EPS15: variants seen among roughly 807,000 people sequenced by gnomAD.
EPS15 encodes epidermal growth factor receptor substrate 15.
Under a neutral mutation model 113.8 loss-of-function variants are expected in EPS15, and 72 were observed. The ratio of observed to expected loss-of-function variants is 0.63; its 90% CI spans 0.52 to 0.77. The LOEUF is 0.77. Ranked by LOEUF, EPS15 falls within the 30% of genes least tolerant of loss-of-function variation. The probability of loss-of-function intolerance (pLI) is 0.00; values close to 1 mark genes in which losing one functional copy is unlikely to be tolerated. For missense variants in EPS15, 1,048 were observed against 1,045.8 expected (o/e 1.00, Z -0.03); for synonymous variants, 344 against 363.4 (o/e 0.95, Z 0.61).
At chr1:51,423,782 T>C (rs765376201) in intron 12 of EPS15, 164 of 943,688 alleles carry the variant, frequency 1.7e-4, no homozygotes, top group Middle Eastern at 5.5e-4. Flanking sequence ...GGCAGAAAGA[T>C]GGGAGAGCAA....
chr1:51,493,713 G>A (rs918224267), intron 1 of EPS15, among the ~76,000 whole-genome samples: 3 of 151,222 alleles, frequency 2.0e-5, no homozygotes, highest in Non-Finnish European at 4.4e-5. Context: ...CCGCCTTCTG[G>A]GTTCAAGCGA....
intron 21 of EPS15, among the ~76,000 whole-genome samples, chr1:51,367,512 C>T (rs984339960): frequency 1.3e-5 from 2 of 152,144 alleles, no homozygotes; most frequent in African/African-American, 4.8e-5. Context: ...GAGATCATGA[C>T]ACTGCACTCC....
At position 51,356,672 on chromosome 1, in the gene EPS15, T is replaced by C; in HGVS notation, c.*28A>G. 3.1e-6 allele frequency: 5 copies of C among 1,605,896 alleles called. No individual in the cohort carries two copies. Among genetic ancestry groups the C allele is most frequent in the Middle Eastern group, 1.7e-4 (1 of 6,032 alleles). On this transcript the variant is annotated 3_prime_UTR_variant, in exon 25 of 25. Transcript: ENST00000371733. The stretch of plus-strand genomic sequence containing the variant: ...TCAGTATTCAGGAAGAAGAATACTA[T>C]ATTGTTGCCAAAGAACAAGAGAATT...
chr1:51,415,530 C>T (rs138773491), intron 13 of EPS15, among the ~76,000 whole-genome samples: 6,360 of 152,132 alleles, frequency 0.042, 200 homozygotes, highest in Middle Eastern at 0.11. Context: ...GGCGTGGTGG[C>T]TCACGCCTGT....
chr1:51,408,396 C>T, intron 14 of EPS15, 64 bp from the exon 15 acceptor site: 17 of 1,196,490 alleles, frequency 1.4e-5, no homozygotes, highest in Non-Finnish European at 2.1e-5. Flanking sequence ...TAAAATGTTC[C>T]AAAATGCAAT....
intron 24 of EPS15, among the ~76,000 whole-genome samples, chr1:51,357,445 GATATAT>G: frequency 1.1e-5 from 1 of 88,292 alleles, no homozygotes; most frequent in African/African-American, 4.7e-5. Context: ...TTTTAAATGT[GATATAT>G]ATATATATAT....
chr1:51,510,166 T>C (rs1372144774), intron 1 of EPS15, among the ~76,000 whole-genome samples: 1 of 152,168 alleles, frequency 6.6e-6, no homozygotes, highest in Non-Finnish European at 1.5e-5. Context: ...ATTGTTATTA[T>C]CCCACTATTG....
intron 4 of EPS15, among the ~76,000 whole-genome samples, chr1:51,470,374 G>C (rs886582835): frequency 6.6e-6 from 1 of 152,168 alleles, no homozygotes; most frequent in South Asian, 2.1e-4. Context: ...GCCAGGCACG[G>C]TGGCTCACGC....
intron 20 of EPS15, 21 bp from the exon 21 acceptor site, chr1:51,394,468 C>A: frequency 6.4e-7 from 1 of 1,551,366 alleles, no homozygotes. Flanking sequence ...CATACAAAAC[C>A]ATGAATGAGA....
intron 21 of EPS15, among the ~76,000 whole-genome samples, chr1:51,387,390 A>G (rs1318953993): frequency 1.3e-5 from 2 of 152,208 alleles, no homozygotes; most frequent in South Asian, 2.1e-4. Flanking sequence ...GACCATCGAG[A>G]CTAGGAAGAA....
At chr1:51,475,758 C>G (rs1176185317) in intron 2 of EPS15, among the ~76,000 whole-genome samples, 4 of 152,122 alleles carry the variant, frequency 2.6e-5, no homozygotes, top group Non-Finnish European at 4.4e-5. Flanking sequence ...CTTGCCCATG[C>G]CTATGGCCTG....
intron 21 of EPS15, among the ~76,000 whole-genome samples, chr1:51,385,997 G>A (rs72694165): frequency 0.021 from 3,196 of 152,172 alleles, 54 homozygotes; most frequent in Non-Finnish European, 0.031. Flanking sequence ...CTTAATGCTC[G>A]TGAACTGTAC....
chr1:51,478,495 A>G (rs927955795), intron 2 of EPS15, among the ~76,000 whole-genome samples: 4 of 151,416 alleles, frequency 2.6e-5, no homozygotes, highest in African/African-American at 4.9e-5. Context: ...TGATCCTGTC[A>G]TTATGATGTT....
At chr1:51,369,498 T>C (rs1241916293) in intron 21 of EPS15, among the ~76,000 whole-genome samples, 1 of 152,164 alleles carries the variant, frequency 6.6e-6, no homozygotes, top group Non-Finnish European at 1.5e-5. Flanking sequence ...TAGTACCGCC[T>C]TTCCCCAAAG....
chr1:51,410,228 CA>C (rs556314251), intron 13 of EPS15, among the ~76,000 whole-genome samples: 110 of 140,092 alleles, frequency 7.9e-4, no homozygotes, highest in Admixed American at 6.4e-4. Flanking sequence ...AACTCCATCT[CA>C]AAAAAAAAAA....
rs752014068 is a variant in EPS15, at chr1:51,394,433, C to G, written c.2067G>C (p.Lys689Asn). 3 of 1,602,240 alleles carry G rather than the reference C, an allele frequency of 1.9e-6. No individual in the cohort carries two copies. In the South Asian group the frequency reaches 3.4e-5, roughly 18 times the overall value. Residue 689 changes from lysine (K) to asparagine (N), a missense_variant, in exon 21 of 25, where the codon AAG (lysine) becomes AAC (asparagine). Transcript: ENST00000371733. The stretch of plus-strand genomic sequence containing the variant: ...CACCAGGAGCAAAAGGATCATTGTG[C>G]TTCAACGTTTCTACCTAAACAAAGC... Reference protein sequence around the residue: ...NSSITSVETLKHNDPFAPGGT... With the variant: ...NSSITSVETLNHNDPFAPGGT...
chr1:51,442,339 A>G (rs2148476440), intron 11 of EPS15, among the ~76,000 whole-genome samples: 1 of 152,246 alleles, frequency 6.6e-6, no homozygotes, highest in Non-Finnish European at 1.5e-5. Flanking sequence ...CAAATGTACC[A>G]AAGAACTTGT....
chr1:51,503,323 C>T (rs564605025), intron 1 of EPS15, among the ~76,000 whole-genome samples: 13 of 152,000 alleles, frequency 8.6e-5, no homozygotes, highest in African/African-American at 1.2e-4. Flanking sequence ...CCGGAATAGC[C>T]GAAACAATCT....
Position 51,361,374 on chromosome 1 carries a change from A to G in EPS15, c.2360-19T>C. 2 of 1,590,538 alleles carry G rather than the reference A, an allele frequency of 1.3e-6. No homozygotes were observed. The highest frequency in any genetic ancestry group is 1.7e-6 in the Non-Finnish European group (2 of 1,160,976). On this transcript the variant is annotated intron_variant, in intron 23 of 24. Transcript: ENST00000371733. ...CTTTTCCCTGGATCAAAATCATTAC[A>G]ATTAATTCAACCAGTAAATACAGCA...
Sources: gnomAD v4.1 joint callset for allele counts (sites outside exome capture counted in the v4.1 genomes callset) on GRCh38, gnomAD v4.1.1 for gene constraint, MANE v1.5 for transcripts, NCBI Gene and HGNC (gene_info 2026-07-23, HGNC 2026-07-21) for gene names.